FAAH2: variants seen among roughly 807,000 people sequenced by gnomAD.
FAAH2 encodes fatty acid amide hydrolase 2.
FAAH2 carries 60 observed loss-of-function variants against 36.9 expected under a neutral mutation model. The ratio of observed to expected loss-of-function variants is 1.63; its 90% CI spans 1.32 to 2.02. The LOEUF is 2.02. Among genes scored for constraint, FAAH2 ranks in the 30% most tolerant of loss-of-function variants. FAAH2 has a pLI of 0.00. For synonymous variants in FAAH2, 214 were observed against 143.8 expected, an observed-to-expected ratio of 1.49 and a Z score of -3.49; for missense variants, 689 against 397.5, an observed-to-expected ratio of 1.73 and a Z score of -6.23.
intron 8 of FAAH2, among the ~76,000 whole-genome samples, chrX:57,445,412 G>A (rs1002599222): frequency 1.8e-5 from 2 of 111,598 alleles, no homozygotes; most frequent in Non-Finnish European, 3.8e-5. Context: ...TACTCCTGTG[G>A]CCACTACAGC....
At position 57,394,361 on chromosome X, in the gene FAAH2, C is replaced by A. The variant is rs761805692; in HGVS notation, c.996+13332C>A. 34 of 1,180,913 alleles carry A rather than the reference C, an allele frequency of 2.9e-5. No individual in the cohort carries two copies. In the African/African-American group the frequency reaches 3.7e-4, roughly 13 times the overall value. The stretch of plus-strand genomic sequence containing the variant: ...TTTCCCAACAGGCTGGTGCTTCAGG[C>A]GTTCTAGTGCTGACAGCAGAACTTT... On this transcript the variant is annotated intron_variant, in intron 7 of 10. Coordinates refer to ENST00000374900, the MANE Select transcript of FAAH2 (RefSeq NM_174912.4).
chrX:57,476,711 A>C (rs968552533), intron 10 of FAAH2, among the ~76,000 whole-genome samples: 2 of 111,488 alleles, frequency 1.8e-5, no homozygotes, highest in African/African-American at 6.5e-5. Context: ...AAGATGCATT[A>C]AGGAGGAGGC....
the FAAH2 span, among the ~76,000 whole-genome samples, chrX:57,258,488 A>T: frequency 9.0e-6 from 1 of 111,379 alleles, no homozygotes; most frequent in East Asian, 2.8e-4. Context: ...AAAGGAAACC[A>T]TCAAGAAAAT....
the FAAH2 span, among the ~76,000 whole-genome samples, chrX:57,202,843 A>C: frequency 9.0e-6 from 1 of 111,700 alleles, no homozygotes; most frequent in East Asian, 2.8e-4. Flanking sequence ...GCTGGCACTC[A>C]AACCAGAAGA....
intron 3 of FAAH2, among the ~76,000 whole-genome samples, chrX:57,313,733 C>G (rs1292711665): frequency 9.0e-6 from 1 of 110,899 alleles, no homozygotes; most frequent in Non-Finnish European, 1.9e-5. Context: ...ACTAGACCAA[C>G]CTTACATGAG....
the FAAH2 span, among the ~76,000 whole-genome samples, chrX:57,193,489 T>G: frequency 8.9e-6 from 1 of 111,829 alleles, no homozygotes; most frequent in Non-Finnish European, 1.9e-5. Flanking sequence ...AAGCATGTGA[T>G]CTCTGTGACC....
At chrX:57,395,382 T>C in intron 7 of FAAH2, 1 of 716,478 alleles carries the variant, frequency 1.4e-6, no homozygotes, top group South Asian at 2.1e-5. Flanking sequence ...GAGATCTCCT[T>C]CCTGTTCAGG....
the FAAH2 span, among the ~76,000 whole-genome samples, chrX:57,160,983 T>C: frequency 8.9e-6 from 1 of 112,395 alleles, no homozygotes; most frequent in Non-Finnish European, 1.9e-5. Context: ...TCCTGCTTTC[T>C]GTTGTGGGCA....
At chrX:57,159,859 G>C in the FAAH2 span, among the ~76,000 whole-genome samples, 1 of 111,536 alleles carries the variant, frequency 9.0e-6, no homozygotes, top group African/African-American at 3.3e-5. Flanking sequence ...GTTCTGGCCA[G>C]AACTTCCAAC....
At chrX:57,278,487 A>T in the FAAH2 span, among the ~76,000 whole-genome samples, 3 of 111,637 alleles carry the variant, frequency 2.7e-5, no homozygotes, top group East Asian at 2.8e-4. Flanking sequence ...AGAAGAAAAA[A>T]CCTAGGCAAT....
intron 3 of FAAH2, among the ~76,000 whole-genome samples, chrX:57,331,159 G>A (rs1449306961): frequency 2.7e-5 from 3 of 111,798 alleles, no homozygotes. Flanking sequence ...AGTCTTCCAG[G>A]CTCTGCTCCA....
At chrX:57,275,319 T>C in the FAAH2 span, among the ~76,000 whole-genome samples, 1 of 112,511 alleles carries the variant, frequency 8.9e-6, no homozygotes, top group East Asian at 2.8e-4. Flanking sequence ...GATTTCAAAA[T>C]GTCCAGATGT....
intron 7 of FAAH2, chrX:57,381,523 T>A: frequency 1.5e-6 from 1 of 677,266 alleles, no homozygotes; most frequent in Non-Finnish European, 1.8e-6. Flanking sequence ...ATTTTTAAAC[T>A]ACTATTCAAT....
intron 3 of FAAH2, among the ~76,000 whole-genome samples, chrX:57,318,712 C>A (rs7886743): frequency 0.014 from 1,515 of 111,108 alleles, 28 homozygotes; most frequent in African/African-American, 0.046. Flanking sequence ...GGCAGAGACA[C>A]AACAAAAAAA....
the FAAH2 span, among the ~76,000 whole-genome samples, chrX:57,265,282 C>A: frequency 9.0e-6 from 1 of 111,608 alleles, no homozygotes; most frequent in South Asian, 3.9e-4. Flanking sequence ...GGTGGTTAGA[C>A]CCCTGTACAT....
chrX:57,383,280 G>A (rs2054908871), intron 7 of FAAH2, among the ~76,000 whole-genome samples: 1 of 111,921 alleles, frequency 8.9e-6, no homozygotes, highest in South Asian at 3.7e-4. Flanking sequence ...CAGCGATGCT[G>A]TCTCTCACCA....
At chrX:57,156,851 G>A in the FAAH2 span, among the ~76,000 whole-genome samples, 15 of 111,789 alleles carry the variant, frequency 1.3e-4, no homozygotes, top group East Asian at 2.8e-4. Flanking sequence ...GAAGCCCAGG[G>A]CTTTCCAGAC....
chrX:57,385,299 AT>A (rs2054989464), intron 7 of FAAH2, among the ~76,000 whole-genome samples: 1 of 108,320 alleles, frequency 9.2e-6, no homozygotes, highest in Non-Finnish European at 1.9e-5. Flanking sequence ...AAAAAAAGAC[AT>A]GTAAAACTAG....
rs1393878202 is a variant in FAAH2, at chrX:57,286,830, C to G, written c.5C>G (p.Ala2Gly). M[A>G]PSFTARIQLF... is the part of the protein sequence containing the mutation. ...CCGTGCGGAATCCAGGCTGCGATGG[C>G]ACCTTCATTTACCGCCCGCATTCAG... The change falls in exon 1 of 11, where the codon GCA becomes GGA. Residue 2 changes from alanine to glycine, a missense_variant. Physicochemically the swap from Ala to Gly is moderately conservative, Grantham distance 60. Coordinates refer to ENST00000374900, the MANE Select transcript of FAAH2 (RefSeq NM_174912.4). 8.5e-7 allele frequency: 1 copy of G among 1,181,272 alleles called. No individual in the cohort carries two copies. Among genetic ancestry groups the G allele is most frequent in the Non-Finnish European group, 1.1e-6 (1 of 878,784 alleles).
Sources: gnomAD v4.1 joint callset for allele counts (sites outside exome capture counted in the v4.1 genomes callset) on GRCh38, gnomAD v4.1.1 for gene constraint, MANE v1.5 for transcripts, NCBI Gene and HGNC (gene_info 2026-07-23, HGNC 2026-07-21) for gene names.